PIBF1: variants seen among roughly 807,000 people sequenced by gnomAD.
The protein encoded by PIBF1 is progesterone-induced-blocking factor 1.
In PIBF1, 90 loss-of-function variants were observed where a neutral mutation model predicts 112.5. The ratio of observed to expected loss-of-function variants is 0.80; its 90% CI spans 0.67 to 0.95. The LOEUF (loss-of-function observed/expected upper bound fraction) is 0.95. PIBF1 is among the 40% of genes least tolerant of loss of function. The pLI, the probability that PIBF1 is intolerant of heterozygous loss-of-function variation, is 0.00. For synonymous variants in PIBF1, 301 were observed against 288.6 expected, an observed-to-expected ratio of 1.04 and a Z score of -0.44; for missense variants, 915 against 852.3, an observed-to-expected ratio of 1.07 and a Z score of -0.92.
At chr13:72,840,146 C>T (rs2138233520) in intron 9 of PIBF1, among the ~76,000 whole-genome samples, 1 of 152,270 alleles carries the variant, frequency 6.6e-6, no homozygotes, top group African/African-American at 2.4e-5. Context: ...TAATCCAACT[C>T]TATGTTTTAT....
intron 14 of PIBF1, among the ~76,000 whole-genome samples, chr13:72,964,551 T>C (rs2138909281): frequency 6.6e-6 from 1 of 152,346 alleles, no homozygotes; most frequent in East Asian, 1.9e-4. Flanking sequence ...ATAAATTATG[T>C]ATTTTTAAAA....
At chr13:73,011,066 T>C (rs984682000) in intron 17 of PIBF1, among the ~76,000 whole-genome samples, 2 of 151,470 alleles carry the variant, frequency 1.3e-5, no homozygotes, top group African/African-American at 2.4e-5. Context: ...CCTCAGGTGA[T>C]CCCCCCCACC....
At position 72,922,262 on chromosome 13, in the gene PIBF1, G is replaced by A. The variant is rs551113145; in HGVS notation, c.1730+5096G>A. Among the ~76,000 whole-genome samples the A allele has an allele frequency of 3.9e-5, 6 of 152,206 alleles. No homozygotes were observed. In the South Asian group the frequency reaches 1.2e-3, roughly 32 times the overall value. ...CAAAGTCCTGGAATTATAGGCATGA[G>A]TCACCACACCCAGCCTATTTTTTAA... On this transcript the variant is annotated intron_variant, in intron 13 of 17. Transcript: ENST00000326291.
At chr13:72,905,990 CCT>C (rs1384205454) in intron 11 of PIBF1, among the ~76,000 whole-genome samples, 2 of 152,054 alleles carry the variant, frequency 1.3e-5, no homozygotes, top group African/African-American at 2.4e-5. Flanking sequence ...TAACACAGTG[CCT>C]CTCTCATAAT....
chr13:72,802,837 A>G (rs1055663892), intron 5 of PIBF1, among the ~76,000 whole-genome samples: 5 of 151,890 alleles, frequency 3.3e-5, no homozygotes. Flanking sequence ...GGAAGACCAC[A>G]GCTTGAGCTC....
At chr13:72,957,119 C>T (rs991939661) in intron 14 of PIBF1, among the ~76,000 whole-genome samples, 3 of 152,126 alleles carry the variant, frequency 2.0e-5, no homozygotes, top group Non-Finnish European at 4.4e-5. Context: ...CCTTAAAGAA[C>T]TAAAAGTAGA....
At chr13:72,783,809 A>C (rs1367365306) in intron 2 of PIBF1, 88 bp downstream of exon 2, 4 of 1,143,328 alleles carry the variant, frequency 3.5e-6, no homozygotes, top group African/African-American at 3.1e-5. Context: ...CATTATCTGA[A>C]CTTGAAATGA....
chr13:72,968,862 T>C (rs2042818574), intron 15 of PIBF1, among the ~76,000 whole-genome samples: 1 of 151,694 alleles, frequency 6.6e-6, no homozygotes, highest in Admixed American at 6.6e-5. Flanking sequence ...AAACCATGTT[T>C]GGTTTTGTCT....
chr13:72,799,066 G>T (rs2035336990), intron 5 of PIBF1, among the ~76,000 whole-genome samples: 1 of 152,184 alleles, frequency 6.6e-6, no homozygotes, highest in African/African-American at 2.4e-5. Flanking sequence ...AGCAGGTTAG[G>T]ATTAGAACGT....
At position 72,800,971 on chromosome 13, in the gene PIBF1, T is replaced by C. The variant is rs112558012; in HGVS notation, c.672+2945T>C. 4.3e-3 allele frequency among the ~76,000 whole-genome samples: 648 copies of C among 152,304 alleles called. 9 individuals carry two copies. Among genetic ancestry groups the C allele is most frequent in the African/African-American group, 0.014 (602 of 41,554 alleles). ...GAGGAAGTGAGAGAGAGAACAAGGCTGTCTTCCTTGAGACAGCTCAGGGAA... is the reference window on the plus strand; with the variant it reads ...GAGGAAGTGAGAGAGAGAACAAGGCCGTCTTCCTTGAGACAGCTCAGGGAA... On this transcript the variant is annotated intron_variant, in intron 5 of 17. Coordinates refer to ENST00000326291, the MANE Select transcript of PIBF1 (RefSeq NM_006346.4).
intron 14 of PIBF1, among the ~76,000 whole-genome samples, chr13:72,955,788 ATTTG>A: frequency 6.6e-6 from 1 of 152,166 alleles, no homozygotes. Flanking sequence ...TTCCCACTAA[ATTTG>A]TACTTTATTT....
At chr13:72,958,869 A>G (rs1269625145) in intron 14 of PIBF1, among the ~76,000 whole-genome samples, 1 of 152,196 alleles carries the variant, frequency 6.6e-6, no homozygotes, top group Non-Finnish European at 1.5e-5. Flanking sequence ...GTCCAAGATC[A>G]CTAGGACTGT....
intron 5 of PIBF1, among the ~76,000 whole-genome samples, chr13:72,803,230 GT>G (rs901772170): frequency 4.1e-5 from 6 of 144,764 alleles, no homozygotes; most frequent in Admixed American, 6.9e-5. Flanking sequence ...GGGAAGGCTT[GT>G]TTTTTTTTTG....
chr13:72,785,286 T>C (rs1460899602), intron 2 of PIBF1, among the ~76,000 whole-genome samples: 1 of 152,214 alleles, frequency 6.6e-6, no homozygotes, highest in Non-Finnish European at 1.5e-5. Flanking sequence ...GCCATCGGAC[T>C]GAATTTGTTT....
chr13:72,980,290 G>A (rs2043124685), intron 16 of PIBF1, among the ~76,000 whole-genome samples: 2 of 152,156 alleles, frequency 1.3e-5, no homozygotes, highest in African/African-American at 4.8e-5. Context: ...GAATCTTAAT[G>A]AGTACCAGCA....
chr13:72,889,514 T>A (rs1484440984), intron 10 of PIBF1, among the ~76,000 whole-genome samples: 1 of 152,198 alleles, frequency 6.6e-6, no homozygotes, highest in African/African-American at 2.4e-5. Context: ...AACATAAAGT[T>A]GAAAATATCT....
chr13:72,827,199 G>A, intron 7 of PIBF1, 81 bp downstream of exon 7: 2 of 359,288 alleles, frequency 5.6e-6, no homozygotes, highest in Non-Finnish European at 9.9e-6. Context: ...TTGAAGGAGA[G>A]ACATTTTTTT....
At chr13:72,992,951 G>T (rs2043526708) in intron 16 of PIBF1, among the ~76,000 whole-genome samples, 1 of 152,124 alleles carries the variant, frequency 6.6e-6, no homozygotes, top group Non-Finnish European at 1.5e-5. Context: ...TAAACTGGGG[G>T]AAAAACAAAT....
At chr13:72,794,919 A>G (rs2035115100) in intron 3 of PIBF1, among the ~76,000 whole-genome samples, 1 of 152,226 alleles carries the variant, frequency 6.6e-6, no homozygotes, top group Admixed American at 6.5e-5. Flanking sequence ...GAGTATGTGC[A>G]GATTACTGTT....
Sources: allele counts gnomAD v4.1 joint callset (sites outside exome capture counted in the v4.1 genomes callset), GRCh38; gene constraint gnomAD v4.1.1; transcripts MANE v1.5; gene names NCBI Gene and HGNC (gene_info 2026-07-23, HGNC 2026-07-21).